EYA4: variants seen among roughly 807,000 people sequenced by gnomAD.
EYA4 encodes EYA transcriptional coactivator and phosphatase 4, also known as protein phosphatase EYA4.
A neutral mutation model predicts 87.9 loss-of-function variants in EYA4; 31 were observed. The ratio of observed to expected loss-of-function variants is 0.35; its 90% CI spans 0.27 to 0.48. The LOEUF is 0.48. Among genes scored for constraint, EYA4 ranks in the 20% least tolerant of loss-of-function variants. The pLI, the probability that EYA4 is intolerant of heterozygous loss-of-function variation, is 0.99. For missense variants in EYA4, 678 were observed against 761.4 expected, an observed-to-expected ratio of 0.89 and a Z score of 1.29; for synonymous variants, 263 against 270.6, an observed-to-expected ratio of 0.97 and a Z score of 0.28.
chr6:133,354,214 T>C (rs1783846749), intron 2 of EYA4, among the ~76,000 whole-genome samples: 1 of 152,188 alleles, frequency 6.6e-6, no homozygotes, highest in Non-Finnish European at 1.5e-5. Context: ...ACAGCTTCTG[T>C]GACAAAATGT....
At chr6:133,407,557 A>G (rs899569475) in intron 3 of EYA4, among the ~76,000 whole-genome samples, 1 of 152,126 alleles carries the variant, frequency 6.6e-6, no homozygotes, top group African/African-American at 2.4e-5. Context: ...CTCACTTTTG[A>G]ATAATCCAGA....
At chr6:133,285,904 G>T (rs1778016898) in intron 2 of EYA4, among the ~76,000 whole-genome samples, 1 of 152,208 alleles carries the variant, frequency 6.6e-6, no homozygotes. Context: ...GGAAGAACAG[G>T]TTGGGGTTGC....
At chr6:133,447,355 A>G (rs1452600773) in intron 4 of EYA4, among the ~76,000 whole-genome samples, 1 of 152,188 alleles carries the variant, frequency 6.6e-6, no homozygotes, top group Non-Finnish European at 1.5e-5. Flanking sequence ...AATAGCTATT[A>G]CTTCAGATAT....
chr6:133,415,368 A>C (rs1330027979), intron 3 of EYA4, among the ~76,000 whole-genome samples: 1 of 152,146 alleles, frequency 6.6e-6, no homozygotes. Context: ...CTGAAAGTCC[A>C]ATGCAGCCTA....
chr6:133,357,506 T>C (rs527379088), intron 2 of EYA4, among the ~76,000 whole-genome samples: 1 of 152,264 alleles, frequency 6.6e-6, no homozygotes, highest in Non-Finnish European at 1.5e-5. Context: ...TAAGATAATT[T>C]TTGAACTGAA....
chr6:133,309,031 C>T (rs1158272983), intron 2 of EYA4, among the ~76,000 whole-genome samples: 5 of 151,862 alleles, frequency 3.3e-5, no homozygotes, highest in Non-Finnish European at 5.9e-5. Context: ...ACCAAACTTT[C>T]TGTAGGTGGA....
rs144350980 is a variant in EYA4, at chr6:133,255,593, T to G, written c.-66+13844T>G. ...ATAAGTTGTTATACTTAGATGTGCATCTTTTCAGGCATTTTTTTTTCTATA... is the reference window on the plus strand; with the variant it reads ...ATAAGTTGTTATACTTAGATGTGCAGCTTTTCAGGCATTTTTTTTTCTATA... On this transcript the variant is annotated intron_variant, in intron 1 of 19. Transcript: ENST00000355286. Among the ~76,000 whole-genome samples the G allele has an allele frequency of 1.1e-3, 160 of 152,270 alleles. 1 individual carries two copies. The highest frequency in any genetic ancestry group is 3.7e-3 in the African/African-American group (152 of 41,586).
chr6:133,331,027 G>GT (rs71636692), intron 2 of EYA4, among the ~76,000 whole-genome samples: 19,439 of 112,356 alleles, frequency 0.17, 2,695 homozygotes, highest in African/African-American at 0.35. Flanking sequence ...AACCAAACGG[G>GT]TTTTTTTTTT....
intron 5 of EYA4, among the ~76,000 whole-genome samples, chr6:133,451,476 C>A (rs1793434452): frequency 6.6e-6 from 1 of 152,138 alleles, no homozygotes; most frequent in Non-Finnish European, 1.5e-5. Context: ...TGATGAACTA[C>A]ACTTCATATA....
At chr6:133,364,635 C>G (rs1784719268) in intron 2 of EYA4, among the ~76,000 whole-genome samples, 1 of 152,212 alleles carries the variant, frequency 6.6e-6, no homozygotes, top group South Asian at 2.1e-4. Context: ...GCGGTGGTGC[C>G]TCACTGCTGT....
Position 133,339,654 on chromosome 6 carries a change from G to T in EYA4, c.34-42738G>T, listed in dbSNP as rs528459379. Among the ~76,000 whole-genome samples the T allele has an allele frequency of 6.6e-5, 10 of 152,318 alleles. 1 individual carries two copies. The highest frequency in any genetic ancestry group is 2.4e-4 in the African/African-American group (10 of 41,576). On this transcript the variant is annotated intron_variant, in intron 2 of 19. Transcript: ENST00000355286. Reference sequence around the variant, plus strand: ...TAATGAAACACGACAGCCAGAAAGGGCCTGTGGTAAGTGGTCAGGGCAGAA... The same window carrying T: ...TAATGAAACACGACAGCCAGAAAGGTCCTGTGGTAAGTGGTCAGGGCAGAA...
chr6:133,522,869 T>C (rs1317058790), intron 17 of EYA4, among the ~76,000 whole-genome samples, 187 bp from the exon 18 acceptor site: 1 of 152,178 alleles, frequency 6.6e-6, no homozygotes, highest in Non-Finnish European at 1.5e-5. Flanking sequence ...AGTATAGTCA[T>C]GGGTTTGTAT....
chr6:133,247,150 A>G (rs1483544612), intron 1 of EYA4: 1 of 152,232 alleles, frequency 6.6e-6, no homozygotes, highest in Non-Finnish European at 1.5e-5. Context: ...CAAAGAAAAA[A>G]AATTAAGTAT....
At chr6:133,277,975 C>A (rs1250653228) in intron 2 of EYA4, among the ~76,000 whole-genome samples, 1 of 152,162 alleles carries the variant, frequency 6.6e-6, no homozygotes, top group East Asian at 1.9e-4. Flanking sequence ...CTAGAGTTGT[C>A]TTCCTAAAAT....
At chr6:133,525,327 C>A (rs956369320) in intron 19 of EYA4, 73 bp downstream of exon 19, 17 of 1,228,414 alleles carry the variant, frequency 1.4e-5, no homozygotes, top group Non-Finnish European at 2.0e-5. Flanking sequence ...TGTAGTTTGG[C>A]CCAATGGCAG....
intron 19 of EYA4, chr6:133,525,911 A>T: frequency 1.0e-6 from 1 of 985,364 alleles, no homozygotes; most frequent in Non-Finnish European, 1.2e-6. Context: ...AATGTGCCTC[A>T]CATCTCCTAG....
At chr6:133,464,225 C>G (rs1794655088) in intron 9 of EYA4, among the ~76,000 whole-genome samples, 1 of 152,094 alleles carries the variant, frequency 6.6e-6, no homozygotes, top group Non-Finnish European at 1.5e-5. Flanking sequence ...AGAAGGCCCT[C>G]AAACCCTAGA....
rs548694298 is a variant in EYA4 at position 133,530,339 on chromosome 6, T to A, written c.*1534T>A. 2 of 985,436 alleles carry A rather than the reference T, an allele frequency of 2.0e-6. No homozygotes were observed. Among genetic ancestry groups the A allele is most frequent in the East Asian group, 2.3e-4 (2 of 8,820 alleles). The allele number at this position is 985,436 out of a possible 1,614,324, so 61.0% of individuals were successfully genotyped here. A position where few individuals can be genotyped will look rare whatever the true frequency, so the allele number is the denominator to read the frequency against. On this transcript the variant is annotated 3_prime_UTR_variant, in exon 20 of 20. Transcript: ENST00000355286. The stretch of plus-strand genomic sequence containing the variant: ...CCCATCATCGTTGTGTTTGCATGGT[T>A]TTTTTCCTTGTGTGTAGCCCATGTT...
chr6:133,340,201 C>T (rs62428668), intron 2 of EYA4, among the ~76,000 whole-genome samples: 17,657 of 152,124 alleles, frequency 0.12, 1,279 homozygotes, highest in Non-Finnish European at 0.16. Context: ...TCATTCCATG[C>T]TTTTTCTGTG....
Sources: allele counts gnomAD v4.1 joint callset (sites outside exome capture counted in the v4.1 genomes callset), GRCh38; gene constraint gnomAD v4.1.1; transcripts MANE v1.5; gene names NCBI Gene and HGNC (gene_info 2026-07-23, HGNC 2026-07-21).